Variants in CACNG5 observed in about 807,000 individuals in gnomAD.
The protein encoded by CACNG5 is voltage-dependent calcium channel gamma-5 subunit.
CACNG5 carries 18 observed loss-of-function variants against 24.8 expected under a neutral mutation model. That is an observed-to-expected ratio of 0.73 (90% CI 0.50 to 1.08). The LOEUF is 1.08. Among genes scored for constraint, CACNG5 ranks in the 50% least tolerant of loss-of-function variants. The pLI is 0.00. For missense variants in CACNG5, 349 were observed against 367.9 expected (o/e 0.95, Z 0.42); for synonymous variants, 157 against 149.1 (o/e 1.05, Z -0.39).
In CACNG5 at chr17:66,893,206, G is replaced by A. The variant is rs1389821747; in HGVS notation, c.*7966G>A. 1.3e-5 allele frequency among the ~76,000 whole-genome samples: 2 copies of A among 152,124 alleles called. No homozygotes were observed. The highest frequency in any genetic ancestry group is 2.9e-5 in the Non-Finnish European group (2 of 68,022). ...CACCCCCAAGAGCATGGCACCTACA[G>A]TCCTAAATGTTCTGCATGGTAAATG... On this transcript the variant is annotated 3_prime_UTR_variant, in exon 6 of 6. Coordinates refer to ENST00000533854, the MANE Select transcript of CACNG5 (RefSeq NM_145811.3).
intron 5 of CACNG5, 148 bp from the exon 6 acceptor site, chr17:66,884,834 CT>C (rs766593571): frequency 6.2e-7 from 1 of 1,613,296 alleles, no homozygotes; most frequent in South Asian, 1.1e-5. Flanking sequence ...CTTTCTGGGT[CT>C]CCTCCGGCCA....
chr17:66,861,829 C>CT (rs1393093934), intron 1 of CACNG5, among the ~76,000 whole-genome samples: 1 of 152,238 alleles, frequency 6.6e-6, no homozygotes, highest in Non-Finnish European at 1.5e-5. Context: ...ACAGTTAAGA[C>CT]TTAATGTCAC....
intron 1 of CACNG5, among the ~76,000 whole-genome samples, chr17:66,837,477 G>A (rs747263831): frequency 1.3e-5 from 2 of 152,212 alleles, no homozygotes; most frequent in Non-Finnish European, 2.9e-5. Flanking sequence ...GCACATGCCT[G>A]CTCTGTCATC....
chr17:66,849,080 C>T (rs1249272465), intron 1 of CACNG5, among the ~76,000 whole-genome samples: 4 of 152,180 alleles, frequency 2.6e-5, no homozygotes, highest in Non-Finnish European at 4.4e-5. Context: ...GCGGGGTTCA[C>T]CCAGCTTCAA....
At chr17:66,840,848 C>G (rs1976556406) in intron 1 of CACNG5, among the ~76,000 whole-genome samples, 1 of 152,136 alleles carries the variant, frequency 6.6e-6, no homozygotes, top group Non-Finnish European at 1.5e-5. Flanking sequence ...TGTGTGAGGT[C>G]CCTCTCAGGA....
At chr17:66,836,447 G>T (rs1976483302) in intron 1 of CACNG5, among the ~76,000 whole-genome samples, 1 of 152,184 alleles carries the variant, frequency 6.6e-6, no homozygotes, top group African/African-American at 2.4e-5. Context: ...GACCTTGATT[G>T]GCTCTGATGT....
intron 1 of CACNG5, among the ~76,000 whole-genome samples, 197 bp downstream of exon 1, chr17:66,835,447 C>T (rs946592023): frequency 4.6e-5 from 7 of 152,140 alleles, no homozygotes; most frequent in African/African-American, 1.7e-4. Flanking sequence ...CGTGTGTATG[C>T]GCGTGTGCGT....
chr17:66,851,210 A>G (rs1046800270), intron 1 of CACNG5, among the ~76,000 whole-genome samples: 1 of 152,228 alleles, frequency 6.6e-6, no homozygotes, highest in Non-Finnish European at 1.5e-5. Context: ...CAGGTACAGA[A>G]TCTAAGTTTC....
intron 1 of CACNG5, among the ~76,000 whole-genome samples, chr17:66,840,337 C>G (rs970222277): frequency 6.6e-6 from 1 of 152,166 alleles, no homozygotes; most frequent in Non-Finnish European, 1.5e-5. Flanking sequence ...CACTCCCTCT[C>G]CCAGAGCTGA....
At chr17:66,876,790 A>G (rs1977082127) in intron 1 of CACNG5, among the ~76,000 whole-genome samples, 1 of 152,134 alleles carries the variant, frequency 6.6e-6, no homozygotes, top group African/African-American at 2.4e-5. Flanking sequence ...AACACAGAGA[A>G]GCTCACCCAG....
chr17:66,852,400 T>G (rs1976718675), intron 1 of CACNG5, among the ~76,000 whole-genome samples: 2 of 152,136 alleles, frequency 1.3e-5, no homozygotes. Context: ...TATATGTATA[T>G]ATCACCTCCC....
chr17:66,843,636 G>A (rs1976595949), intron 1 of CACNG5, among the ~76,000 whole-genome samples: 1 of 152,120 alleles, frequency 6.6e-6, no homozygotes, highest in Non-Finnish European at 1.5e-5. Flanking sequence ...TCACATTGGA[G>A]CAAGGATGCT....
chr17:66,886,018 A>T lies in CACNG5; in HGVS notation c.*778A>T, dbSNP rs1977254648. On this transcript the variant is annotated 3_prime_UTR_variant, in exon 6 of 6. Transcript: ENST00000533854. ...ATAACATATTTTACAGGAGCCTTTT[A>T]TGCCTTAACCCAAATAACTGATTCT... is the stretch of plus-strand genomic sequence containing the variant. 6.6e-6 allele frequency among the ~76,000 whole-genome samples: 1 copy of T among 152,226 alleles called. No individual in the cohort carries two copies. The highest frequency in any genetic ancestry group is 2.4e-5 in the African/African-American group (1 of 41,468).
chr17:66,888,909 C>T lies in CACNG5; in HGVS notation c.*3669C>T, dbSNP rs1407647568. Among the ~76,000 whole-genome samples the T allele has an allele frequency of 6.6e-6, 1 of 152,136 alleles. No homozygotes were observed. The highest frequency in any genetic ancestry group is 2.4e-5 in the African/African-American group (1 of 41,406). On this transcript the variant is annotated 3_prime_UTR_variant, in exon 6 of 6. Coordinates refer to ENST00000533854, the MANE Select transcript of CACNG5 (RefSeq NM_145811.3). ...ATTTGTGGTTTATGGTCATGTTGACCTTAGCCATTAGGCTGATGCCCTTTG... is the reference window on the plus strand; with the variant it reads ...ATTTGTGGTTTATGGTCATGTTGACTTTAGCCATTAGGCTGATGCCCTTTG...
intron 1 of CACNG5, among the ~76,000 whole-genome samples, chr17:66,864,411 G>A (rs569202039): frequency 1.3e-5 from 2 of 152,292 alleles, no homozygotes; most frequent in Non-Finnish European, 2.9e-5. Context: ...TGTGTGAACT[G>A]ACACATACCT....
chr17:66,866,081 A>G (rs1976925827), intron 1 of CACNG5, among the ~76,000 whole-genome samples: 1 of 152,192 alleles, frequency 6.6e-6, no homozygotes, highest in African/African-American at 2.4e-5. Context: ...ATGGTTATTT[A>G]CTGTAGATTA....
intron 1 of CACNG5, among the ~76,000 whole-genome samples, chr17:66,849,816 G>A (rs1976689836): frequency 1.3e-5 from 2 of 152,296 alleles, no homozygotes; most frequent in Middle Eastern, 3.4e-3. Context: ...CAATGGAGGC[G>A]CACACACCTC....
At position 66,839,273 on chromosome 17, in the gene CACNG5, C is replaced by T. The variant is rs555031104; in HGVS notation, c.-104+4023C>T. 4.5e-4 allele frequency among the ~76,000 whole-genome samples: 62 copies of T among 137,562 alleles called. 1 individual carries two copies. The highest frequency in any genetic ancestry group is 1.6e-3 in the African/African-American group (61 of 38,238). The allele number at this position is 137,562 out of a possible 152,430, so 90.2% of individuals were successfully genotyped here. Reference sequence around the variant, plus strand: ...CCATGGCTGGCCACCCCCACCCATTCTGACAACCAAAAATGTCTCCAGAGA... The same window carrying T: ...CCATGGCTGGCCACCCCCACCCATTTTGACAACCAAAAATGTCTCCAGAGA... On this transcript the variant is annotated intron_variant, in intron 1 of 5. Coordinates refer to ENST00000533854, the MANE Select transcript of CACNG5 (RefSeq NM_145811.3).
At chr17:66,843,652 G>A (rs940071795) in intron 1 of CACNG5, among the ~76,000 whole-genome samples, 1 of 152,120 alleles carries the variant, frequency 6.6e-6, no homozygotes, top group Non-Finnish European at 1.5e-5. Flanking sequence ...ATGCTGCAGG[G>A]GGGTGGTCCT....
Sources: gnomAD v4.1 joint callset for allele counts (sites outside exome capture counted in the v4.1 genomes callset) on GRCh38, gnomAD v4.1.1 for gene constraint, MANE v1.5 for transcripts, NCBI Gene and HGNC (gene_info 2026-07-23, HGNC 2026-07-21) for gene names.